The following RIMS1 variants were observed in gnomAD, a reference collection of about 807,000 sequenced individuals.
RIMS1 encodes regulating synaptic membrane exocytosis 1.
In RIMS1, 83 loss-of-function variants were observed where a neutral mutation model predicts 214.1. The observed-to-expected ratio is 0.39, with a 90% CI of 0.32 to 0.47. RIMS1 has a LOEUF of 0.47. Ranked by LOEUF, RIMS1 falls within the 20% of genes least tolerant of loss-of-function variation. The probability of loss-of-function intolerance (pLI) is 0.99; values close to 1 mark genes in which losing one functional copy is unlikely to be tolerated. For synonymous variants in RIMS1, 793 were observed against 786.8 expected, an observed-to-expected ratio of 1.01 and a Z score of -0.13; for missense variants, 2,050 against 2,161.8, an observed-to-expected ratio of 0.95 and a Z score of 1.03.
intron 29 of RIMS1, among the ~76,000 whole-genome samples, chr6:72,341,362 G>GAAGGA (rs2097085737): frequency 6.6e-6 from 1 of 151,720 alleles, no homozygotes; most frequent in Non-Finnish European, 1.5e-5. Context: ...AATCTGTGTG[G>GAAGGA]AATCTAAAAC....
At chr6:72,276,626 CTA>C (rs1254776545) in intron 23 of RIMS1, among the ~76,000 whole-genome samples, 1 of 151,760 alleles carries the variant, frequency 6.6e-6, no homozygotes, top group Non-Finnish European at 1.5e-5. Context: ...TAGATAAGTC[CTA>C]TGTTCGACCA....
intron 1 of RIMS1, among the ~76,000 whole-genome samples, chr6:71,935,659 T>C (rs2150955519): frequency 6.6e-6 from 1 of 152,320 alleles, no homozygotes; most frequent in Admixed American, 6.5e-5. Flanking sequence ...CTGTCCTGTC[T>C]GGACTCAGAC....
At chr6:72,392,135 G>T (rs909944509) in intron 30 of RIMS1, among the ~76,000 whole-genome samples, 9 of 152,208 alleles carry the variant, frequency 5.9e-5, no homozygotes, top group Non-Finnish European at 1.2e-4. Context: ...CACTGCCCTT[G>T]TGCAGCTTAC....
intron 23 of RIMS1, among the ~76,000 whole-genome samples, chr6:72,279,411 T>A (rs2088790167): frequency 3.3e-5 from 5 of 152,044 alleles, no homozygotes; most frequent in Admixed American, 3.3e-4. Context: ...AATGTACTTT[T>A]ATAGCTTTAA....
At chr6:72,165,041 C>T (rs2046063284) in intron 4 of RIMS1, among the ~76,000 whole-genome samples, 1 of 152,178 alleles carries the variant, frequency 6.6e-6, no homozygotes, top group Non-Finnish European at 1.5e-5. Flanking sequence ...AGAAGTACTG[C>T]TTCTGCTCCA....
At chr6:72,224,269 AT>A (rs776479800) in intron 6 of RIMS1, among the ~76,000 whole-genome samples, 34 of 152,156 alleles carry the variant, frequency 2.2e-4, no homozygotes, top group Non-Finnish European at 4.0e-4. Flanking sequence ...ATATAAATTG[AT>A]TTACCACATA....
intron 1 of RIMS1, among the ~76,000 whole-genome samples, chr6:71,961,411 T>C (rs1459064440): frequency 6.6e-6 from 1 of 152,064 alleles, no homozygotes; most frequent in Non-Finnish European, 1.5e-5. Flanking sequence ...TCTTTCTGTA[T>C]CTTTAACTTC....
chr6:71,927,813 T>TAATA (rs1429072037), intron 1 of RIMS1, among the ~76,000 whole-genome samples: 1 of 152,118 alleles, frequency 6.6e-6, no homozygotes, highest in Non-Finnish European at 1.5e-5. Context: ...GACAAATTTA[T>TAATA]AATATTTGAA....
intron 6 of RIMS1, among the ~76,000 whole-genome samples, chr6:72,231,626 G>A (rs1185266691): frequency 6.6e-6 from 1 of 151,572 alleles, no homozygotes; most frequent in Non-Finnish European, 1.5e-5. Context: ...TATTTATCCA[G>A]TACCAAAGCA....
intron 2 of RIMS1, among the ~76,000 whole-genome samples, chr6:72,007,979 A>G (rs1256590802): frequency 6.6e-6 from 1 of 152,194 alleles, no homozygotes; most frequent in African/African-American, 2.4e-5. Context: ...AGAACTCCAC[A>G]AAGATACTGT....
chr6:72,379,694 C>T (rs560478913), intron 29 of RIMS1, among the ~76,000 whole-genome samples: 13 of 152,278 alleles, frequency 8.5e-5, no homozygotes, highest in Admixed American at 7.8e-4. Flanking sequence ...TGAATTATCT[C>T]GTTTAATACT....
intron 2 of RIMS1, among the ~76,000 whole-genome samples, chr6:71,972,972 G>A (rs908932233): frequency 6.6e-6 from 1 of 152,190 alleles, no homozygotes; most frequent in Non-Finnish European, 1.5e-5. Flanking sequence ...CTGGAGTGCA[G>A]TGGCATAATC....
chr6:72,080,114 A>G (rs1265018426), intron 2 of RIMS1, among the ~76,000 whole-genome samples: 1 of 144,820 alleles, frequency 6.9e-6, no homozygotes, highest in Non-Finnish European at 1.5e-5. Flanking sequence ...AAATACAGAA[A>G]TTAGCCAGGC....
chr6:72,362,780 T>C (rs940857530), intron 29 of RIMS1, among the ~76,000 whole-genome samples: 6 of 152,236 alleles, frequency 3.9e-5, no homozygotes, highest in African/African-American at 1.4e-4. Flanking sequence ...TATGTCATTT[T>C]CCCTATAGTT....
At chr6:72,327,923 G>A (rs1202911552) in intron 28 of RIMS1, among the ~76,000 whole-genome samples, 1 of 151,678 alleles carries the variant, frequency 6.6e-6, no homozygotes, top group Non-Finnish European at 1.5e-5. Flanking sequence ...CTAGAATTAG[G>A]TAAGTACTCA....
intron 6 of RIMS1, chr6:72,212,799 AT>A: frequency 2.9e-6 from 3 of 1,029,632 alleles, no homozygotes; most frequent in Non-Finnish European, 3.5e-6. Flanking sequence ...AGATGCCAAT[AT>A]GCTTCTCCTC....
chr6:72,323,295 G>GA (rs2096270757), intron 28 of RIMS1, among the ~76,000 whole-genome samples: 1 of 151,684 alleles, frequency 6.6e-6, no homozygotes. Flanking sequence ...GTTTAACAAC[G>GA]AGAAAAAGGA....
At chr6:72,344,372 G>A (rs1323560508) in intron 29 of RIMS1, among the ~76,000 whole-genome samples, 1 of 151,742 alleles carries the variant, frequency 6.6e-6, no homozygotes, top group Non-Finnish European at 1.5e-5. Flanking sequence ...CTAAGGTGGT[G>A]TCTTTGAACA....
In RIMS1 at chr6:72,251,299, C is replaced by T. The variant is rs1351952232; in HGVS notation, c.2629C>T (p.Leu877=). The stretch of plus-strand genomic sequence containing the variant: ...GACACATGATGAGTCTTCACTACCT[C>T]TGCCTCAGCCATCACCTTTCATGCC... The part of the protein sequence containing the change: ...LQTHDESSLP[L]PQPSPFMPRR... The change falls in exon 15 of 34, where the codon CTG becomes TTG. Residue 877 remains leucine (L), a synonymous_variant. Coordinates refer to ENST00000521978, the MANE Select transcript of RIMS1 (RefSeq NM_014989.7). 2 of 1,599,964 alleles carry T rather than the reference C, an allele frequency of 1.3e-6. No homozygotes were observed. Among genetic ancestry groups the T allele is most frequent in the African/African-American group, 1.3e-5 (1 of 74,720 alleles).
Sources: allele counts gnomAD v4.1 joint callset (sites outside exome capture counted in the v4.1 genomes callset), GRCh38; gene constraint gnomAD v4.1.1; transcripts MANE v1.5; gene names NCBI Gene and HGNC (gene_info 2026-07-23, HGNC 2026-07-21).